SCG5: variants seen among roughly 807,000 people sequenced by gnomAD.
SCG5 encodes the protein neuroendocrine protein 7B2.
A neutral mutation model predicts 25.7 loss-of-function variants in SCG5; 18 were observed. The ratio of observed to expected loss-of-function variants is 0.70; its 90% CI spans 0.48 to 1.04. The LOEUF (loss-of-function observed/expected upper bound fraction) is 1.04. Ranked by LOEUF, SCG5 falls within the 50% of genes least tolerant of loss-of-function variation. SCG5 has a pLI of 0.00. For synonymous variants in SCG5, 101 were observed against 91.7 expected, an observed-to-expected ratio of 1.10 and a Z score of -0.58; for missense variants, 206 against 259.8, an observed-to-expected ratio of 0.79 and a Z score of 1.42.
At chr15:32,663,072 T>TATATATA (rs1430373616) in intron 2 of SCG5, among the ~76,000 whole-genome samples, 2 of 55,266 alleles carry the variant, frequency 3.6e-5, no homozygotes, top group South Asian at 6.8e-4. Flanking sequence ...TATATATATA[T>TATATATA]ATATATAATA....
chr15:32,654,140 G>A (rs995293336), intron 2 of SCG5, among the ~76,000 whole-genome samples: 4 of 152,146 alleles, frequency 2.6e-5, no homozygotes, highest in African/African-American at 9.7e-5. Flanking sequence ...CTTATCTAGG[G>A]ATACAGCTTG....
intron 3 of SCG5, among the ~76,000 whole-genome samples, chr15:32,683,080 A>G (rs537558802): frequency 4.7e-4 from 71 of 152,326 alleles, no homozygotes; most frequent in African/African-American, 1.6e-3. Flanking sequence ...TAATTGCTAT[A>G]TATTGTGTAA....
intron 2 of SCG5, among the ~76,000 whole-genome samples, chr15:32,648,748 C>G (rs1435132020): frequency 1.3e-5 from 2 of 150,568 alleles, no homozygotes; most frequent in Admixed American, 6.7e-5. Context: ...GTAGCACCCC[C>G]CTACATTCTC....
At chr15:32,695,010 TC>T (rs1316294727) in intron 5 of SCG5, among the ~76,000 whole-genome samples, 9 of 25,832 alleles carry the variant, frequency 3.5e-4, no homozygotes, top group Middle Eastern at 0.029. Flanking sequence ...CTTCTTTCTT[TC>T]TTTTTTTTTT....
At chr15:32,687,475 A>G (rs1198265883) in intron 4 of SCG5, among the ~76,000 whole-genome samples, 1 of 152,240 alleles carries the variant, frequency 6.6e-6, no homozygotes, top group African/African-American at 2.4e-5. Flanking sequence ...ATTACTACCT[A>G]CCAGTAAAAC....
At chr15:32,657,209 A>ATATATATATATATATG in intron 2 of SCG5, among the ~76,000 whole-genome samples, 3,096 of 38,490 alleles carry the variant, frequency 0.08, 1,047 homozygotes, top group East Asian at 0.27. Context: ...GTATATATAT[A>ATATATATATATATATG]TATGTATGTA....
intron 2 of SCG5, among the ~76,000 whole-genome samples, chr15:32,660,714 C>G (rs112378768): frequency 0.026 from 3,978 of 152,324 alleles, 159 homozygotes; most frequent in African/African-American, 0.091. Context: ...GCCCTTCTGA[C>G]TGCAGGGCAG....
In SCG5 at chr15:32,643,579, T is replaced by A; in HGVS notation, c.-7-7T>A. On this transcript the variant is annotated splice_polypyrimidine_tract_variant and splice_region_variant and intron_variant, in intron 1 of 5. Transcript: ENST00000300175. ...CTATCAGTATACATTTGGTCTTTTA[T>A]CTGCAGGTTGACAATGGTCTCCAGG... The A allele has an allele frequency of 6.2e-7, 1 of 1,604,086 alleles. No homozygotes were observed. The highest frequency in any genetic ancestry group is 1.7e-5 in the Admixed American group (1 of 59,996).
chr15:32,658,902 C>A (rs1439418508), intron 2 of SCG5, among the ~76,000 whole-genome samples: 5 of 152,146 alleles, frequency 3.3e-5, no homozygotes, highest in Non-Finnish European at 5.9e-5. Flanking sequence ...GAGGGCCGGG[C>A]GTGGTGGCTT....
intron 2 of SCG5, among the ~76,000 whole-genome samples, chr15:32,676,074 TATA>T (rs1282218198): frequency 2.0e-5 from 3 of 152,250 alleles, no homozygotes; most frequent in Non-Finnish European, 2.9e-5. Context: ...TTTGCAACTG[TATA>T]ATATTAAAAT....
intron 2 of SCG5, among the ~76,000 whole-genome samples, chr15:32,650,788 C>T (rs978250130): frequency 2.0e-5 from 3 of 152,216 alleles, no homozygotes; most frequent in Admixed American, 2.0e-4. Flanking sequence ...AGTTCTAGGC[C>T]ACCAGCTATC....
chr15:32,683,324 C>G (rs1178099551), intron 3 of SCG5, among the ~76,000 whole-genome samples: 1 of 152,154 alleles, frequency 6.6e-6, no homozygotes, highest in Non-Finnish European at 1.5e-5. Flanking sequence ...CCCCCTAACC[C>G]TGCACAAAAT....
At chr15:32,678,491 A>G (rs1281630783) in intron 2 of SCG5, among the ~76,000 whole-genome samples, 1 of 152,226 alleles carries the variant, frequency 6.6e-6, no homozygotes, top group Non-Finnish European at 1.5e-5. Flanking sequence ...ATTTTAAAAA[A>G]TTTGAATTAG....
chr15:32,670,969 G>A (rs149522651), intron 2 of SCG5, among the ~76,000 whole-genome samples: 1 of 152,302 alleles, frequency 6.6e-6, no homozygotes, highest in East Asian at 1.9e-4. Context: ...TGACTAGATA[G>A]GAAAAGCAGC....
intron 2 of SCG5, among the ~76,000 whole-genome samples, chr15:32,665,340 A>T (rs1310454702): frequency 6.6e-6 from 1 of 151,038 alleles, no homozygotes; most frequent in East Asian, 1.9e-4. Flanking sequence ...AAACGATCAC[A>T]TCAGCATTAG....
chr15:32,669,487 C>A (rs529787389), intron 2 of SCG5, among the ~76,000 whole-genome samples: 1 of 152,282 alleles, frequency 6.6e-6, no homozygotes, highest in South Asian at 2.1e-4. Context: ...CTCTGACCCT[C>A]AGCTAAGCCA....
In SCG5 at chr15:32,695,718, T is replaced by C. The variant is rs75751916; in HGVS notation, c.544-796T>C. On this transcript the variant is annotated intron_variant, in intron 5 of 5. Transcript: ENST00000300175. ...GGATGATCTGGGACCAGTCTTCAGA[T>C]GTTAATTCCCACTTGGCCCTACTCT... 5.3e-3 allele frequency among the ~76,000 whole-genome samples: 812 copies of C among 152,242 alleles called. 9 individuals carry two copies. Among genetic ancestry groups the C allele is most frequent in the African/African-American group, 0.019 (771 of 41,536 alleles).
At chr15:32,659,670 A>G (rs74413477) in intron 2 of SCG5, among the ~76,000 whole-genome samples, 7,196 of 152,230 alleles carry the variant, frequency 0.047, 298 homozygotes, top group East Asian at 0.2. Flanking sequence ...GACCTTCCTG[A>G]TGCCATCTTT....
chr15:32,689,807 T>G (rs551778191), intron 4 of SCG5, among the ~76,000 whole-genome samples: 13 of 152,236 alleles, frequency 8.5e-5, no homozygotes, highest in African/African-American at 3.1e-4. Context: ...AGGGACCATC[T>G]TTGAGAGGAA....
Sources: allele counts gnomAD v4.1 joint callset (sites outside exome capture counted in the v4.1 genomes callset), GRCh38; gene constraint gnomAD v4.1.1; transcripts MANE v1.5; gene names NCBI Gene and HGNC (gene_info 2026-07-23, HGNC 2026-07-21).